Variants in SLITRK1 observed in about 807,000 individuals in gnomAD.
SLITRK1 encodes SLIT and NTRK like family member 1.
A neutral mutation model predicts 42.4 loss-of-function variants in SLITRK1; 10 were observed. That is an observed-to-expected ratio of 0.24 (90% CI 0.15 to 0.40). SLITRK1 has a LOEUF of 0.40. SLITRK1 is among the 10% of genes least tolerant of loss of function. SLITRK1 has a pLI of 1.00. For missense variants in SLITRK1, 778 were observed against 848.8 expected (o/e 0.92, Z 1.04); for synonymous variants, 389 against 365.7 (o/e 1.06, Z -0.73).
In SLITRK1 at chr13:83,879,829, G is replaced by A. The variant is rs1210891744; in HGVS notation, c.1679C>T (p.Thr560Met). 5.0e-6 allele frequency: 8 copies of A among 1,614,104 alleles called. No individual in the cohort carries two copies. Among genetic ancestry groups the A allele is most frequent in the Non-Finnish European group, 6.8e-6 (8 of 1,180,026 alleles). The change falls in exon 2 of 2, where the codon ACG becomes ATG. Residue 560 changes from threonine (T) to methionine (M), a missense_variant. Transcript: ENST00000674365. ...EVLMSDLKCETPVNFFRKDFM... is the reference protein window; with the variant it reads ...EVLMSDLKCEMPVNFFRKDFM... ...ATCCTTTCTAAAGAAGTTCACCGGC[G>A]TCTCACACTTGAGGTCGCTCATCAG...
chr13:83,880,677 T>A lies in SLITRK1; in HGVS notation c.831A>T (p.Gln277His). The A allele has an allele frequency of 6.2e-7, 1 of 1,614,132 alleles. No homozygotes were observed. Among genetic ancestry groups the A allele is most frequent in the Non-Finnish European group, 8.5e-7 (1 of 1,180,024 alleles). The change falls in exon 2 of 2, where the codon CAA becomes CAT. Residue 277 changes from glutamine (Q) to histidine (H), a missense_variant. Gln to His is a conservative substitution (Grantham distance 24). This residue lies in a region of SLITRK1 where 395 missense variants were observed against 360.4 expected (regional missense o/e 1.10). Transcript: ENST00000674365. ...VDSSLPAPPAQEETFAPGPLP... is the reference protein window; with the variant it reads ...VDSSLPAPPAHEETFAPGPLP... ...GGGGTCCAGGAGCAAAGGTCTCTTC[T>A]TGGGCAGGGGGCGCCGGGAGACTAG...
At position 83,879,321 on chromosome 13, in the gene SLITRK1, G is replaced by A; in HGVS notation, c.*96C>T. 3 of 1,495,254 alleles carry A rather than the reference G, an allele frequency of 2.0e-6. No homozygotes were observed. The highest frequency in any genetic ancestry group is 2.3e-5 in the East Asian group (1 of 43,688). 92.6% of individuals were successfully genotyped at this position (1,495,254 alleles called of 1,614,324 possible). A position where few individuals can be genotyped will look rare whatever the true frequency, so the allele number is the denominator to read the frequency against. The stretch of plus-strand genomic sequence containing the variant: ...TTATGCCCATCCAGGCTGATGGCGC[G>A]GGGATTTGGGTACACGCCCCTCCAG... On this transcript the variant is annotated 3_prime_UTR_variant, in exon 2 of 2. Transcript: ENST00000674365.
chr13:83,881,318 A>G lies in SLITRK1; in HGVS notation c.190T>C (p.Phe64Leu). 1.2e-6 allele frequency: 2 copies of G among 1,614,206 alleles called. No individual in the cohort carries two copies. The highest frequency in any genetic ancestry group is 1.7e-6 in the Non-Finnish European group (2 of 1,180,048). ...TAPTSQFYHL[F>L]LHGNSLTRLF... is the part of the protein sequence containing the mutation. ...CGAGTGAGGGAATTGCCATGCAGAA[A>G]TAAATGGTAAAACTGGGAAGTCGGG... The change falls in exon 2 of 2, where the codon TTT becomes CTT. Residue 64 changes from phenylalanine (F) to leucine (L), a missense_variant. Transcript: ENST00000674365.
In SLITRK1 at chr13:83,879,314, A is replaced by C. The variant is rs1884754899; in HGVS notation, c.*103T>G. On this transcript the variant is annotated 3_prime_UTR_variant, in exon 2 of 2. Coordinates refer to ENST00000674365, the MANE Select transcript of SLITRK1 (RefSeq NM_001281503.2). ...TATCTACTTATGCCCATCCAGGCTG[A>C]TGGCGCGGGGATTTGGGTACACGCC... 3 of 1,447,326 alleles carry C rather than the reference A, an allele frequency of 2.1e-6. No homozygotes were observed. Among genetic ancestry groups the C allele is most frequent in the Non-Finnish European group, 2.9e-6 (3 of 1,052,342 alleles). The allele number at this position is 1,447,326 out of a possible 1,614,324, so 89.7% of individuals were successfully genotyped here.
rs904066310 is a variant in SLITRK1 at position 83,879,167 on chromosome 13, G to A, written c.*250C>T. 1.3e-5 allele frequency: 7 copies of A among 531,988 alleles called. No individual in the cohort carries two copies. The African/African-American group carries it at 1.3e-4, about 10-fold the overall frequency. 33.0% of individuals were successfully genotyped at this position (531,988 alleles called of 1,614,324 possible). On this transcript the variant is annotated 3_prime_UTR_variant, in exon 2 of 2. Transcript: ENST00000674365. ...GGTCGTGCTGGGCTTTCTGTCAAAAGGGGCTCTCAGCAAAGAGCGAGCTGG... is the reference window on the plus strand; with the variant it reads ...GGTCGTGCTGGGCTTTCTGTCAAAAAGGGCTCTCAGCAAAGAGCGAGCTGG...
Position 83,877,827 on chromosome 13 carries a change from A to G in SLITRK1, c.*1590T>C, listed in dbSNP as rs2137214139. ...ACCAATGAAATCTCCACTCTGTTTAATGAGACCTATCTAGGCAGAGTCAAT... is the reference window on the plus strand; with the variant it reads ...ACCAATGAAATCTCCACTCTGTTTAGTGAGACCTATCTAGGCAGAGTCAAT... On this transcript the variant is annotated 3_prime_UTR_variant, in exon 2 of 2. Transcript: ENST00000674365. 6.6e-6 allele frequency: 1 copy of G among 152,656 alleles called. No homozygotes were observed. The highest frequency in any genetic ancestry group is 2.4e-5 in the African/African-American group (1 of 41,546). 9.5% of individuals were successfully genotyped at this position (152,656 alleles called of 1,614,324 possible). A position where few individuals can be genotyped will look rare whatever the true frequency, so the allele number is the denominator to read the frequency against.
In SLITRK1 at chr13:83,879,591, G is replaced by A. The variant is rs147148876; in HGVS notation, c.1917C>T (p.Leu639=). 3.8e-5 allele frequency: 62 copies of A among 1,613,900 alleles called. No homozygotes were observed. The highest frequency in any genetic ancestry group is 2.9e-4 in the South Asian group (26 of 91,052). ...VTSAFTVVGM[L]VFILRNRKRS... is the part of the protein sequence containing the mutation. ...GCTTTCGGTTCCTCAGGATAAACAC[G>A]AGCATGCCCACCACGGTGAAGGCGG... The change falls in exon 2 of 2, where the codon CTC becomes CTT. Residue 639 remains leucine, a synonymous_variant. Transcript: ENST00000674365.
chr13:83,882,216 C>G lies in SLITRK1; in HGVS notation c.-266G>C, dbSNP rs1231279465. 6.0e-6 allele frequency: 1 copy of G among 167,076 alleles called. No individual in the cohort carries two copies. Among genetic ancestry groups the G allele is most frequent in the Non-Finnish European group, 1.5e-5 (1 of 68,174 alleles). 10.3% of individuals were successfully genotyped at this position (167,076 alleles called of 1,614,324 possible). A position where few individuals can be genotyped will look rare whatever the true frequency, so the allele number is the denominator to read the frequency against. On this transcript the variant is annotated 5_prime_UTR_variant, in exon 1 of 2. Transcript: ENST00000674365. ...ATCGCTGCGTTTTGTGGTTGTCCAT[C>G]CTTTTCCTTTCCTCCCCTTCGGTCC...
In SLITRK1 at chr13:83,880,643, G is replaced by C; in HGVS notation, c.865C>G (p.Pro289Ala). ...ETFAPGPLPTPFKTNGQEDHA... is the reference protein window; with the variant it reads ...ETFAPGPLPTAFKTNGQEDHA... Reference sequence around the variant, plus strand: ...TCCTCTTGCCCATTTGTCTTGAAAGGAGTTGGCAGGGGTCCAGGAGCAAAG... The same window carrying C: ...TCCTCTTGCCCATTTGTCTTGAAAGCAGTTGGCAGGGGTCCAGGAGCAAAG... The change falls in exon 2 of 2, where the codon CCT becomes GCT. Residue 289 changes from proline (P) to alanine (A), a missense_variant. By Grantham distance (27) the Pro-to-Ala change is conservative. This residue lies in a region of SLITRK1 where 395 missense variants were observed against 360.4 expected (regional missense o/e 1.10). Transcript: ENST00000674365. The C allele has an allele frequency of 6.2e-7, 1 of 1,614,152 alleles. No homozygotes were observed. The highest frequency in any genetic ancestry group is 8.5e-7 in the Non-Finnish European group (1 of 1,180,026).
In SLITRK1 at chr13:83,878,469, T is replaced by C. The variant is rs186644908; in HGVS notation, c.*948A>G. Reference sequence around the variant, plus strand: ...TTTTTAAATAATTACACTGATACTATAATAGAAATCATGGGTACTTATTTT... The same window carrying C: ...TTTTTAAATAATTACACTGATACTACAATAGAAATCATGGGTACTTATTTT... On this transcript the variant is annotated 3_prime_UTR_variant, in exon 2 of 2. Transcript: ENST00000674365. 1.6e-4 allele frequency: 25 copies of C among 152,450 alleles called. No homozygotes were observed. Among genetic ancestry groups the C allele is most frequent in the Admixed American group, 7.2e-4 (11 of 15,278 alleles). 9.4% of individuals were successfully genotyped at this position (152,450 alleles called of 1,614,324 possible).
chr13:83,882,250 C>CT lies in SLITRK1; in HGVS notation c.-301dup, dbSNP rs563861788. The CT allele has an allele frequency of 0.026, 4,138 of 161,514 alleles. 68 individuals carry two copies. The highest frequency in any genetic ancestry group is 0.058 in the Middle Eastern group (17 of 292). The allele number at this position is 161,514 out of a possible 1,614,324, so 10.0% of individuals were successfully genotyped here. ...TTCCTCCCCTTCGGTCCTCTTAAGG[C>CT]TTTTTTTTTTCTTTTCTGTGCTCTC... On this transcript the variant is annotated 5_prime_UTR_variant, in exon 1 of 2. Transcript: ENST00000674365.
rs929862457 is a variant in SLITRK1, at chr13:83,877,627, A to G, written c.*1790T>C. The G allele has an allele frequency of 7.3e-6, 1 of 136,658 alleles. No individual in the cohort carries two copies. The highest frequency in any genetic ancestry group is 2.7e-5 in the African/African-American group (1 of 37,136). 8.5% of individuals were successfully genotyped at this position (136,658 alleles called of 1,614,324 possible). A position where few individuals can be genotyped will look rare whatever the true frequency, so the allele number is the denominator to read the frequency against. ...TGGGAGAGAAACACTTCTTTAGGAT[A>G]ATGATTAATTTCCATAAAGATGAGT... On this transcript the variant is annotated 3_prime_UTR_variant, in exon 2 of 2. Coordinates refer to ENST00000674365, the MANE Select transcript of SLITRK1 (RefSeq NM_001281503.2).
Position 83,881,080 on chromosome 13 carries a change from C to T in SLITRK1, c.428G>A (p.Arg143Gln), listed in dbSNP as rs374243257. The T allele has an allele frequency of 1.7e-5, 27 of 1,613,888 alleles. No individual in the cohort carries two copies. Among genetic ancestry groups the T allele is most frequent in the Non-Finnish European group, 2.2e-5 (26 of 1,180,030 alleles). Reference sequence around the variant, plus strand: ...CTGGAAGGCCCCCGGGTCTATATCTCGTAATAAATTAAAATCAGCCTGGAG... The same window carrying T: ...CTGGAAGGCCCCCGGGTCTATATCTTGTAATAAATTAAAATCAGCCTGGAG... ...EYLQADFNLL[R>Q]DIDPGAFQDL... is the part of the protein sequence containing the mutation. Residue 143 changes from arginine (R) to glutamine (Q), a missense_variant, in exon 2 of 2, where the codon CGA becomes CAA. Physicochemically the swap from Arg to Gln is conservative, Grantham distance 43 (BLOSUM62 1). Transcript: ENST00000674365.
At position 83,879,703 on chromosome 13, in the gene SLITRK1, G is replaced by A. The variant is rs759916592; in HGVS notation, c.1805C>T (p.Thr602Ile). The A allele has an allele frequency of 6.2e-7, 1 of 1,613,846 alleles. No individual in the cohort carries two copies. The highest frequency in any genetic ancestry group is 1.3e-5 in the African/African-American group (1 of 74,884). The change falls in exon 2 of 2, where the codon ACC becomes ATC. Residue 602 changes from threonine to isoleucine, a missense_variant. Thr to Ile is a moderately conservative substitution (Grantham distance 89, BLOSUM62 -1). Transcript: ENST00000674365. Reference protein sequence around the residue: ...HSKNSTGLAETGTHSNSYLDT... With the variant: ...HSKNSTGLAEIGTHSNSYLDT... ...TAGGTAGGAGTTGGAGTGCGTCCCG[G>A]TCTCCGCCAACCCAGTGCTGTTTTT...
chr13:83,880,119 G>A lies in SLITRK1; in HGVS notation c.1389C>T (p.Leu463=), dbSNP rs1884779153. The stretch of plus-strand genomic sequence containing the variant: ...TGGGCATGGCATTGAAAGTGCCCGG[G>A]AGGATGAGCTGGATAGCGTTGTACT... ...NVEYNAIQLI[L]PGTFNAMPKL... Residue 463 remains leucine, a synonymous_variant, in exon 2 of 2, where the codon CTC becomes CTT. Coordinates refer to ENST00000674365, the MANE Select transcript of SLITRK1 (RefSeq NM_001281503.2). 1.2e-6 allele frequency: 2 copies of A among 1,613,864 alleles called. No homozygotes were observed. Among genetic ancestry groups the A allele is most frequent in the Non-Finnish European group, 1.7e-6 (2 of 1,179,988 alleles).
rs1884740927 is a variant in SLITRK1 at position 83,878,739 on chromosome 13, A to G, written c.*678T>C. 6.5e-6 allele frequency: 1 copy of G among 152,740 alleles called. No individual in the cohort carries two copies. The highest frequency in any genetic ancestry group is 6.5e-5 in the Admixed American group (1 of 15,278). The allele number at this position is 152,740 out of a possible 1,614,324, so 9.5% of individuals were successfully genotyped here. On this transcript the variant is annotated 3_prime_UTR_variant, in exon 2 of 2. Transcript: ENST00000674365. ...TCTGAACTGCCTACCGATCACAAAT[A>G]ATGGCGAAATGGCACTTTCTGATTA...
At position 83,878,671 on chromosome 13, in the gene SLITRK1, TC is replaced by T. The variant is rs1884739501; in HGVS notation, c.*745del. Reference sequence around the variant, plus strand: ...GGACTGATGACTAGCCATGCAAATGTCCTAAATAAAACCTTTACATTTTTTT... The same window carrying T: ...GGACTGATGACTAGCCATGCAAATGTCTAAATAAAACCTTTACATTTTTTT... On this transcript the variant is annotated 3_prime_UTR_variant, in exon 2 of 2. Transcript: ENST00000674365. 1 of 152,618 alleles carries T rather than the reference TC, an allele frequency of 6.6e-6. No homozygotes were observed. Among genetic ancestry groups the T allele is most frequent in the Non-Finnish European group, 1.5e-5 (1 of 68,038 alleles). The allele number at this position is 152,618 out of a possible 1,614,324, so 9.5% of individuals were successfully genotyped here.
chr13:83,879,399 C>T lies in SLITRK1; in HGVS notation c.*18G>A. The stretch of plus-strand genomic sequence containing the variant: ...ATGTATCGCCTTCCCTCTGCCCTCC[C>T]CTATTGGGGTTGGGGTCTTAGTCTG... On this transcript the variant is annotated 3_prime_UTR_variant, in exon 2 of 2. Transcript: ENST00000674365. 1 of 1,611,830 alleles carries T rather than the reference C, an allele frequency of 6.2e-7. No individual in the cohort carries two copies. The highest frequency in any genetic ancestry group is 1.1e-5 in the South Asian group (1 of 90,990).
rs1358032990 is a variant in SLITRK1 at position 83,877,690 on chromosome 13, G to C, written c.*1727C>G. The C allele has an allele frequency of 6.6e-6, 1 of 150,922 alleles. No individual in the cohort carries two copies. The highest frequency in any genetic ancestry group is 2.4e-5 in the African/African-American group (1 of 40,984). The allele number at this position is 150,922 out of a possible 1,614,324, so 9.3% of individuals were successfully genotyped here. A position where few individuals can be genotyped will look rare whatever the true frequency, so the allele number is the denominator to read the frequency against. On this transcript the variant is annotated 3_prime_UTR_variant, in exon 2 of 2. Coordinates refer to ENST00000674365, the MANE Select transcript of SLITRK1 (RefSeq NM_001281503.2). ...TTCAATATGCAGTTGCTGGGGCGGG[G>C]AGGGTGGGTGGGCACTAATTAGTTT...
Sources: allele counts gnomAD v4.1 joint callset, GRCh38; gene constraint gnomAD v4.1.1; regional missense constraint gnomAD v4.1.1; transcripts MANE v1.5; gene names NCBI Gene and HGNC (gene_info 2026-07-23, HGNC 2026-07-21).